The following COL28A1 variants were observed in gnomAD, a reference collection of about 807,000 sequenced individuals.
COL28A1 encodes collagen alpha-1(XXVIII) chain.
Under a neutral mutation model 150.2 loss-of-function variants are expected in COL28A1, and 161 were observed. The observed-to-expected ratio is 1.07, with a 90% CI of 0.94 to 1.22. The LOEUF (loss-of-function observed/expected upper bound fraction) is 1.22. Among genes scored for constraint, COL28A1 ranks in the 50% most tolerant of loss-of-function variants. The probability of loss-of-function intolerance (pLI) is 0.00; values close to 1 mark genes in which losing one functional copy is unlikely to be tolerated. For missense variants in COL28A1, 1,617 were observed against 1,388.3 expected, an observed-to-expected ratio of 1.16 and a Z score of -2.62; for synonymous variants, 552 against 469.7, an observed-to-expected ratio of 1.18 and a Z score of -2.26.
At position 7,373,391 on chromosome 7, in the gene COL28A1, T is replaced by C; in HGVS notation, c.2515A>G (p.Ile839Val). 2 of 1,614,200 alleles carry C rather than the reference T, an allele frequency of 1.2e-6. No individual in the cohort carries two copies. The highest frequency in any genetic ancestry group is 1.7e-6 in the Non-Finnish European group (2 of 1,180,034). ...ALDLATARIGIINYSHKVEKV... is the reference protein window; with the variant it reads ...ALDLATARIGVINYSHKVEKV... The stretch of plus-strand genomic sequence containing the variant: ...TCCACCTTATGGCTATAGTTGATTA[T>C]GCCTATGCGGGCCGTGGCAAGGTCC... The change falls in exon 32 of 35, where the codon ATA (isoleucine) becomes GTA (valine). Residue 839 changes from isoleucine to valine, a missense_variant. Physicochemically the swap from Ile to Val is conservative, Grantham distance 29. Coordinates refer to ENST00000399429, the MANE Select transcript of COL28A1 (RefSeq NM_001037763.3). This position sits in a 1 kb window ranked among gnomAD's most constrained non-coding sequence, Gnocchi z 4.1.
intron 16 of COL28A1, among the ~76,000 whole-genome samples, chr7:7,455,516 A>G (rs966476677): frequency 6.6e-6 from 1 of 152,158 alleles, no homozygotes; most frequent in East Asian, 1.9e-4. Context: ...TTTATAAATT[A>G]TATCTGTGTT....
chr7:7,439,904 G>A (rs1166630164), intron 21 of COL28A1, among the ~76,000 whole-genome samples: 1 of 152,170 alleles, frequency 6.6e-6, no homozygotes, highest in Non-Finnish European at 1.5e-5. Flanking sequence ...AAGAGTCACT[G>A]GTGTACAGGT....
chr7:7,358,296 A>G lies in COL28A1; in HGVS notation c.*337T>C, dbSNP rs79887999. 2,807 of 184,816 alleles carry G rather than the reference A, an allele frequency of 0.015. 43 individuals carry two copies. The highest frequency in any genetic ancestry group is 0.023 in the Non-Finnish European group (2,063 of 89,554). The allele number at this position is 184,816 out of a possible 1,614,324, so 11.4% of individuals were successfully genotyped here. On this transcript the variant is annotated 3_prime_UTR_variant, in exon 35 of 35. Transcript: ENST00000399429. ...AGGGGTTTGAGCTGACATAGTACAT[A>G]CAACAGGAATTAAAGGAATCAGAAT...
chr7:7,536,893 T>C (rs935855667), upstream of COL28A1, among the ~76,000 whole-genome samples: 1 of 152,138 alleles, frequency 6.6e-6, no homozygotes, highest in African/African-American at 2.4e-5. Context: ...ATACAGTAAG[T>C]CCTCACTTAA....
chr7:7,471,817 C>T (rs1327779582), intron 15 of COL28A1, among the ~76,000 whole-genome samples: 1 of 152,138 alleles, frequency 6.6e-6, no homozygotes, highest in East Asian at 1.9e-4. Flanking sequence ...ATTGCTTCAA[C>T]CTGGGAGGTG....
In COL28A1 at chr7:7,520,116, C is replaced by A; in HGVS notation, c.760-1G>T. 1 of 1,289,272 alleles carries A rather than the reference C, an allele frequency of 7.8e-7. No individual in the cohort carries two copies. The highest frequency in any genetic ancestry group is 1.1e-6 in the Non-Finnish European group (1 of 886,488). 79.9% of individuals were successfully genotyped at this position (1,289,272 alleles called of 1,614,324 possible). A position where few individuals can be genotyped will look rare whatever the true frequency, so the allele number is the denominator to read the frequency against. On this transcript the variant is annotated splice_acceptor_variant, in intron 5 of 34. Transcript: ENST00000399429. LOFTEE classifies it high-confidence loss of function. Reference sequence around the variant, plus strand: ...TGATACCTGGATTTCCATGTGTACCCTGAAGGCAAAGGGAAAAAATATTAT... The same window carrying A: ...TGATACCTGGATTTCCATGTGTACCATGAAGGCAAAGGGAAAAAATATTAT...
At chr7:7,346,504 A>C in the COL28A1 span, among the ~76,000 whole-genome samples, 1 of 152,050 alleles carries the variant, frequency 6.6e-6, no homozygotes, top group African/African-American at 2.4e-5. Flanking sequence ...AATTAGAATG[A>C]AAATAAAGAT....
intron 18 of COL28A1, among the ~76,000 whole-genome samples, chr7:7,446,139 T>C (rs1209620621): frequency 6.6e-6 from 1 of 152,110 alleles, no homozygotes; most frequent in African/African-American, 2.4e-5. Flanking sequence ...ATTACAGGTG[T>C]GAGCCACCGT....
intron 3 of COL28A1, among the ~76,000 whole-genome samples, chr7:7,529,184 G>A (rs1411052167): frequency 2.7e-5 from 4 of 149,348 alleles, no homozygotes; most frequent in Admixed American, 2.1e-4. Context: ...AGCTACTTGA[G>A]AAACTAAGGC....
chr7:7,350,313 G>A, the COL28A1 span, among the ~76,000 whole-genome samples: 2 of 152,160 alleles, frequency 1.3e-5, no homozygotes, highest in African/African-American at 4.8e-5. Flanking sequence ...TTGGCTGGGT[G>A]ACTGTGCCAT....
downstream of COL28A1, among the ~76,000 whole-genome samples, chr7:7,354,415 G>A (rs1422100185): frequency 6.6e-6 from 1 of 152,174 alleles, no homozygotes; most frequent in African/African-American, 2.4e-5. Context: ...AAGTATCAAA[G>A]TATAGTGAAA....
At chr7:7,515,631 C>T (rs1781374421) in intron 8 of COL28A1, among the ~76,000 whole-genome samples, 183 bp downstream of exon 8, 1 of 152,178 alleles carries the variant, frequency 6.6e-6, no homozygotes, top group African/African-American at 2.4e-5. Flanking sequence ...TCATGGTACC[C>T]TCCATCCCTT....
intron 27 of COL28A1, among the ~76,000 whole-genome samples, chr7:7,383,680 G>GTATA (rs1366244976): frequency 6.9e-4 from 32 of 46,384 alleles, no homozygotes; most frequent in South Asian, 1.1e-3. Context: ...GTGTGTGTGT[G>GTATA]TGTATATATA....
chr7:7,536,598 A>C (rs2115280570), upstream of COL28A1, among the ~76,000 whole-genome samples: 1 of 152,268 alleles, frequency 6.6e-6, no homozygotes, highest in East Asian at 1.9e-4. Context: ...TTTATCATGT[A>C]ATATATACTG....
intron 30 of COL28A1, among the ~76,000 whole-genome samples, chr7:7,379,986 A>G (rs1390816839): frequency 6.6e-6 from 1 of 152,168 alleles, no homozygotes; most frequent in Non-Finnish European, 1.5e-5. Context: ...TTCCTAGTAC[A>G]TCGAATCAGC....
At chr7:7,359,408 C>T (rs1393953391) in intron 34 of COL28A1, among the ~76,000 whole-genome samples, 4 of 152,062 alleles carry the variant, frequency 2.6e-5, no homozygotes, top group Non-Finnish European at 5.9e-5. Context: ...ATTGTCTTAT[C>T]GTAGAAATAC....
chr7:7,343,210 G>T, the COL28A1 span, among the ~76,000 whole-genome samples: 1 of 150,048 alleles, frequency 6.7e-6, no homozygotes, highest in Non-Finnish European at 1.5e-5. Context: ...TCCTACTTAA[G>T]ATTCACTGGG....
At chr7:7,457,806 C>A (rs1787292865) in intron 15 of COL28A1, among the ~76,000 whole-genome samples, 1 of 152,124 alleles carries the variant, frequency 6.6e-6, no homozygotes, top group Non-Finnish European at 1.5e-5. Context: ...ACCAACAGGG[C>A]AAATTAGTTG....
At chr7:7,481,339 A>C (rs144355281) in intron 13 of COL28A1, among the ~76,000 whole-genome samples, 118 of 152,392 alleles carry the variant, frequency 7.7e-4, no homozygotes, top group Middle Eastern at 3.4e-3. Context: ...CCATCAGAGT[A>C]GTATTCCACG....
Sources: gnomAD v4.1 joint callset for allele counts (sites outside exome capture counted in the v4.1 genomes callset) on GRCh38, gnomAD v4.1.1 for gene constraint, Gnocchi (gnomAD v3.1) non-coding constraint, MANE v1.5 for transcripts, NCBI Gene and HGNC (gene_info 2026-07-23, HGNC 2026-07-21) for gene names.